Variants in TRMT9B observed in about 807,000 individuals in gnomAD.
The protein encoded by TRMT9B is tRNA methyltransferase 9B (putative), also known as probable tRNA methyltransferase 9B.
In TRMT9B, 16 loss-of-function variants were observed where a neutral mutation model predicts 11.5. The observed-to-expected ratio is 1.39, with a 90% confidence interval of 0.94 to 2.11. The LOEUF (loss-of-function observed/expected upper bound fraction) is 2.11, where lower values mean the gene tolerates loss of function less well. Ranked by LOEUF, TRMT9B falls within the 30% of genes most tolerant of loss-of-function variation. The probability of loss-of-function intolerance (pLI) is 0.00; values close to 1 mark genes in which losing one functional copy is unlikely to be tolerated. For synonymous variants in TRMT9B, 274 were observed against 192.4 expected (o/e 1.42, Z -3.51); for missense variants, 941 against 553.8 (o/e 1.70, Z -7.02).
At chr8:12,997,490 A>G (rs182849909) in intron 2 of TRMT9B, among the ~76,000 whole-genome samples, 36 of 152,260 alleles carry the variant, frequency 2.4e-4, no homozygotes, top group African/African-American at 8.2e-4. Context: ...GTCCTTATAA[A>G]TTACCCAGGC....
intron 3 of TRMT9B, chr8:13,011,385 T>G (rs1811583833): frequency 1.0e-6 from 1 of 985,238 alleles, no homozygotes; most frequent in Non-Finnish European, 1.2e-6. Flanking sequence ...AAGTGCCTAG[T>G]AAGGAGGGGT....
chr8:13,000,776 A>G (rs755519670), intron 2 of TRMT9B, among the ~76,000 whole-genome samples: 3 of 152,232 alleles, frequency 2.0e-5, no homozygotes, highest in Non-Finnish European at 4.4e-5. Context: ...TAAAATAATC[A>G]TTTCAAAATG....
intron 2 of TRMT9B, among the ~76,000 whole-genome samples, chr8:13,001,436 C>T (rs951063843): frequency 2.6e-5 from 4 of 152,150 alleles, no homozygotes; most frequent in Non-Finnish European, 4.4e-5. Context: ...AAACGTTTAC[C>T]GTCTCATACT....
At chr8:12,961,657 C>T (rs1249967551) in intron 1 of TRMT9B, 2 of 147,938 alleles carry the variant, frequency 1.4e-5, no homozygotes, top group East Asian at 2.0e-4. Context: ...GCCGAGATCA[C>T]GCCACAGCAC....
At chr8:13,000,136 A>G (rs1161808669) in intron 2 of TRMT9B, among the ~76,000 whole-genome samples, 1 of 152,192 alleles carries the variant, frequency 6.6e-6, no homozygotes, top group Non-Finnish European at 1.5e-5. Flanking sequence ...CTCCAGGACA[A>G]GGAACATTTC....
chr8:12,968,044 C>T (rs1169676816), intron 1 of TRMT9B, among the ~76,000 whole-genome samples: 1 of 152,178 alleles, frequency 6.6e-6, no homozygotes, highest in Middle Eastern at 3.2e-3. Context: ...ACCACCACAC[C>T]CAGCTAATTC....
intron 1 of TRMT9B, among the ~76,000 whole-genome samples, chr8:12,982,532 C>T (rs775065154): frequency 3.0e-4 from 46 of 152,064 alleles, no homozygotes; most frequent in Non-Finnish European, 5.7e-4. Flanking sequence ...TGCAGTGGCA[C>T]ATGCTTGTAA....
intron 2 of TRMT9B, among the ~76,000 whole-genome samples, chr8:12,998,708 G>A (rs1808811793): frequency 6.6e-6 from 1 of 152,198 alleles, no homozygotes; most frequent in Non-Finnish European, 1.5e-5. Flanking sequence ...GAGTTCACTA[G>A]ATTTCTGTGG....
intron 2 of TRMT9B, among the ~76,000 whole-genome samples, chr8:12,997,106 G>T (rs186290907): frequency 5.1e-4 from 77 of 151,800 alleles, no homozygotes; most frequent in African/African-American, 1.6e-3. Flanking sequence ...CTTTTAATAT[G>T]ATATTTGTGG....
intron 1 of TRMT9B, among the ~76,000 whole-genome samples, chr8:12,987,725 A>G (rs1806578549): frequency 6.6e-6 from 1 of 152,066 alleles, no homozygotes; most frequent in African/African-American, 2.4e-5. Context: ...CAACTAACCT[A>G]CAGAACATCA....
At chr8:13,010,181 T>C (rs1811333630) in intron 3 of TRMT9B, 1 of 816,782 alleles carries the variant, frequency 1.2e-6, no homozygotes, top group Non-Finnish European at 1.5e-6. Context: ...TTTAAATACC[T>C]CTGTGCAAAT....
chr8:12,997,525 G>C (rs919282018), intron 2 of TRMT9B, among the ~76,000 whole-genome samples: 1 of 152,100 alleles, frequency 6.6e-6, no homozygotes, highest in African/African-American at 2.4e-5. Context: ...ACAGCAACAC[G>C]AAATGGACTA....
chr8:12,954,014 C>A (rs1049818420), intron 1 of TRMT9B, among the ~76,000 whole-genome samples: 5 of 152,030 alleles, frequency 3.3e-5, no homozygotes, highest in African/African-American at 1.2e-4. Context: ...TGCCTTTTTG[C>A]GTGTATATCT....
chr8:12,955,146 G>A (rs1157436514), intron 1 of TRMT9B, among the ~76,000 whole-genome samples: 1 of 152,124 alleles, frequency 6.6e-6, no homozygotes, highest in Non-Finnish European at 1.5e-5. Flanking sequence ...TCCCCCATCT[G>A]GGTATACTGA....
At chr8:13,012,375 G>A (rs931037323) in intron 3 of TRMT9B, 35 of 634,688 alleles carry the variant, frequency 5.5e-5, no homozygotes, top group Non-Finnish European at 6.5e-5. Context: ...TTGGGAGTTC[G>A]AGACCAACCT....
At chr8:12,975,916 G>T (rs1300452103) in intron 1 of TRMT9B, among the ~76,000 whole-genome samples, 1 of 151,954 alleles carries the variant, frequency 6.6e-6, no homozygotes, top group Non-Finnish European at 1.5e-5. Context: ...TAAAAGTTGG[G>T]GGCAATAAAC....
intron 1 of TRMT9B, among the ~76,000 whole-genome samples, chr8:12,967,640 C>T (rs1241567232): frequency 1.3e-5 from 2 of 152,168 alleles, no homozygotes; most frequent in African/African-American, 4.8e-5. Flanking sequence ...AATGGCAAAG[C>T]CTCCTGAGTT....
rs1264960552 is a variant in TRMT9B at position 13,021,296 on chromosome 8, A to C, written c.617A>C (p.Gln206Pro). The C allele has an allele frequency of 1.2e-6, 2 of 1,613,916 alleles. No homozygotes were observed. The highest frequency in any genetic ancestry group is 2.7e-5 in the African/African-American group (2 of 74,940). The stretch of plus-strand genomic sequence containing the variant: ...AGCTGTTCTGTTTGTTTTAAAGAGC[A>C]GTGTGGTTCAAAACGGTCCCACAGC... ...ECSCSVCFKEQCGSKRSHSVG... is the reference protein window; with the variant it reads ...ECSCSVCFKEPCGSKRSHSVG... Residue 206 changes from glutamine (Q) to proline (P), a missense_variant, in exon 5 of 5, where the codon CAG (glutamine) becomes CCG (proline). Transcript: ENST00000524591.
At chr8:12,959,193 C>G (rs1801714469) in intron 1 of TRMT9B, among the ~76,000 whole-genome samples, 1 of 152,118 alleles carries the variant, frequency 6.6e-6, no homozygotes, top group Non-Finnish European at 1.5e-5. Context: ...ACAACTACAC[C>G]TTGGGCATCC....
Sources: allele counts gnomAD v4.1 joint callset (sites outside exome capture counted in the v4.1 genomes callset), GRCh38; gene constraint gnomAD v4.1.1; transcripts MANE v1.5; gene names NCBI Gene and HGNC (gene_info 2026-07-23, HGNC 2026-07-21).